Variants in C8orf34 observed in about 807,000 individuals in gnomAD.
C8orf34 encodes the protein uncharacterized protein C8orf34.
In C8orf34, 65 loss-of-function variants were observed where a neutral mutation model predicts 68.3. The observed-to-expected ratio is 0.95, with a 90% CI of 0.78 to 1.17. The LOEUF is 1.17. C8orf34 is among the 50% of genes most tolerant of loss of function. The pLI, the probability that C8orf34 is intolerant of heterozygous loss-of-function variation, is 0.00. For missense variants in C8orf34, 664 were observed against 655.4 expected (o/e 1.01, Z -0.14); for synonymous variants, 244 against 241.2 (o/e 1.01, Z -0.11).
At position 68,475,041 on chromosome 8, in the gene C8orf34, T is replaced by C. The variant is rs140053673; in HGVS notation, c.736+6221T>C. Among the ~76,000 whole-genome samples the C allele has an allele frequency of 4.5e-3, 689 of 152,280 alleles. 5 individuals are homozygous for C. Among genetic ancestry groups the C allele is most frequent in the African/African-American group, 0.016 (662 of 41,564 alleles). Reference sequence around the variant, plus strand: ...AAGTGCTCCAGGATCTGGCCGTTTATTGGGTCTCCAGTACCATTGCTTATG... The same window carrying C: ...AAGTGCTCCAGGATCTGGCCGTTTACTGGGTCTCCAGTACCATTGCTTATG... On this transcript the variant is annotated intron_variant, in intron 4 of 13. Transcript: ENST00000518698.
chr8:68,444,845 T>C (rs1340003738), intron 2 of C8orf34, among the ~76,000 whole-genome samples: 3 of 152,210 alleles, frequency 2.0e-5, no homozygotes, highest in Non-Finnish European at 4.4e-5. Flanking sequence ...CCTTTTAATA[T>C]TCCTTTATAT....
At chr8:68,543,454 C>T (rs559934383) in intron 7 of C8orf34, among the ~76,000 whole-genome samples, 9 of 152,168 alleles carry the variant, frequency 5.9e-5, no homozygotes, top group African/African-American at 1.4e-4. Context: ...GCATATAGTG[C>T]GTGTAGAATA....
At chr8:68,486,790 C>A (rs1813097389) in intron 4 of C8orf34, among the ~76,000 whole-genome samples, 1 of 152,116 alleles carries the variant, frequency 6.6e-6, no homozygotes, top group African/African-American at 2.4e-5. Flanking sequence ...TCTTCCAACC[C>A]AGCTCATTCT....
intron 10 of C8orf34, among the ~76,000 whole-genome samples, chr8:68,765,006 T>C (rs1823130649): frequency 6.6e-6 from 1 of 152,206 alleles, no homozygotes. Context: ...ACCTATATTA[T>C]TAAAGTCTTA....
chr8:68,356,848 G>T (rs1180481463), intron 1 of C8orf34, among the ~76,000 whole-genome samples: 2 of 151,930 alleles, frequency 1.3e-5, no homozygotes, highest in Non-Finnish European at 2.9e-5. Context: ...TCCTTTTGAG[G>T]TATAGCCCAG....
At chr8:68,739,490 T>C (rs909007130) in intron 10 of C8orf34, among the ~76,000 whole-genome samples, 1 of 151,544 alleles carries the variant, frequency 6.6e-6, no homozygotes, top group African/African-American at 2.4e-5. Context: ...CCATTCACAG[T>C]TGCCACAAAA....
intron 1 of C8orf34, among the ~76,000 whole-genome samples, chr8:68,432,817 A>G (rs1460641809): frequency 6.6e-6 from 1 of 152,198 alleles, no homozygotes; most frequent in East Asian, 1.9e-4. Flanking sequence ...TAGATACTGC[A>G]TTAGAACCTG....
At chr8:68,439,667 C>A (rs748046006) in intron 2 of C8orf34, 21 bp downstream of exon 2, 9 of 1,593,720 alleles carry the variant, frequency 5.6e-6, no homozygotes, top group Non-Finnish European at 7.7e-6. Flanking sequence ...AATGTCTATG[C>A]AGTTAATTTG....
At chr8:68,492,258 C>T (rs1051580184) in intron 5 of C8orf34, among the ~76,000 whole-genome samples, 64 of 152,148 alleles carry the variant, frequency 4.2e-4, no homozygotes, top group African/African-American at 1.5e-3. Flanking sequence ...GAGATGGGGT[C>T]TCGCTTTGTC....
At chr8:68,356,281 C>A (rs1385197622) in intron 1 of C8orf34, among the ~76,000 whole-genome samples, 1 of 152,118 alleles carries the variant, frequency 6.6e-6, no homozygotes, top group Non-Finnish European at 1.5e-5. Flanking sequence ...ACTTGGATAT[C>A]TTTTCAACAG....
At chr8:68,734,936 C>G (rs1360192012) in intron 10 of C8orf34, among the ~76,000 whole-genome samples, 4 of 152,162 alleles carry the variant, frequency 2.6e-5, no homozygotes, top group Non-Finnish European at 5.9e-5. Context: ...CTATATACTT[C>G]CCCTGAAAGA....
rs550713780 is a variant in C8orf34, at chr8:68,774,331, G to GTA, written c.1405-2051_1405-2050dup. ...TATGTATAAAAATATGGGTGTGTGTGTATATATATATATATATAAAATAAA... is the reference window on the plus strand; with the variant it reads ...TATGTATAAAAATATGGGTGTGTGTGTATATATATATATATATATAAAATAAA... On this transcript the variant is annotated intron_variant, in intron 10 of 13. Coordinates refer to ENST00000518698, the MANE Select transcript of C8orf34 (RefSeq NM_052958.4). 1.3e-3 allele frequency among the ~76,000 whole-genome samples: 141 copies of GTA among 108,938 alleles called. 2 individuals are homozygous for GTA. The highest frequency in any genetic ancestry group is 7.7e-3 in the South Asian group (24 of 3,126). 71.5% of individuals were successfully genotyped at this position (108,938 alleles called of 152,430 possible). A position where few individuals can be genotyped will look rare whatever the true frequency, so the allele number is the denominator to read the frequency against.
intron 8 of C8orf34, among the ~76,000 whole-genome samples, chr8:68,693,797 C>CT (rs1820749663): frequency 6.6e-6 from 1 of 152,044 alleles, no homozygotes; most frequent in South Asian, 2.1e-4. Flanking sequence ...CACTTCCTAG[C>CT]TTAGGGTCCT....
intron 1 of C8orf34, among the ~76,000 whole-genome samples, chr8:68,422,996 G>A (rs1352709663): frequency 6.6e-6 from 1 of 152,216 alleles, no homozygotes; most frequent in Admixed American, 6.5e-5. Flanking sequence ...ACCATGTCCT[G>A]AGGCAGCACA....
At position 68,761,356 on chromosome 8, in the gene C8orf34, C is replaced by T. The variant is rs367844687; in HGVS notation, c.1405-15043C>T. Among the ~76,000 whole-genome samples, 6 of 152,288 alleles carry T rather than the reference C, an allele frequency of 3.9e-5. No individual in the cohort carries two copies. The South Asian group carries it at 1.0e-3, about 26-fold the overall frequency. On this transcript the variant is annotated intron_variant, in intron 10 of 13. Coordinates refer to ENST00000518698, the MANE Select transcript of C8orf34 (RefSeq NM_052958.4). ...ACCTTGCCCTCAGGATTTCAGGCAA[C>T]AGTTCTTTCCTGAAACTTCCTGCTC...
intron 7 of C8orf34, among the ~76,000 whole-genome samples, chr8:68,587,996 C>T (rs112401595): frequency 5.9e-5 from 9 of 152,188 alleles, no homozygotes; most frequent in African/African-American, 2.2e-4. Flanking sequence ...TTTTAGATGC[C>T]ATATTTTTAA....
At chr8:68,454,775 A>G (rs1188313603) in intron 3 of C8orf34, among the ~76,000 whole-genome samples, 1 of 151,546 alleles carries the variant, frequency 6.6e-6, no homozygotes, top group Non-Finnish European at 1.5e-5. Flanking sequence ...TACTATTTTC[A>G]TCCTTTTGGT....
At chr8:68,743,673 G>C (rs558492319) in intron 10 of C8orf34, among the ~76,000 whole-genome samples, 1 of 152,206 alleles carries the variant, frequency 6.6e-6, no homozygotes, top group Non-Finnish European at 1.5e-5. Flanking sequence ...GCGCTTTCCC[G>C]ACGGGCTTAA....
chr8:68,377,725 ATG>A (rs1385791218), intron 1 of C8orf34, among the ~76,000 whole-genome samples: 1 of 152,170 alleles, frequency 6.6e-6, no homozygotes, highest in Non-Finnish European at 1.5e-5. Flanking sequence ...ATGTGTGAGT[ATG>A]CTAAAGCAGT....
Sources: allele counts gnomAD v4.1 joint callset (sites outside exome capture counted in the v4.1 genomes callset), GRCh38; gene constraint gnomAD v4.1.1; transcripts MANE v1.5; gene names NCBI Gene and HGNC (gene_info 2026-07-23, HGNC 2026-07-21).